The following FMN2 variants were observed in gnomAD, a reference collection of about 807,000 sequenced individuals.
FMN2 encodes the protein formin-2.
Under a neutral mutation model 142.3 loss-of-function variants are expected in FMN2, and 51 were observed. The ratio of observed to expected loss-of-function variants is 0.36; its 90% CI spans 0.29 to 0.45. The LOEUF (loss-of-function observed/expected upper bound fraction) is 0.45. Among genes scored for constraint, FMN2 ranks in the 20% least tolerant of loss-of-function variants. FMN2 has a pLI of 1.00. For missense variants in FMN2, 1,936 were observed against 2,122.8 expected (o/e 0.91, Z 1.73); for synonymous variants, 882 against 869.8 (o/e 1.01, Z -0.25).
intron 14 of FMN2, among the ~76,000 whole-genome samples, chr1:240,384,034 G>A (rs1010264328): frequency 5.3e-5 from 8 of 152,122 alleles, no homozygotes; most frequent in Admixed American, 3.3e-4. Flanking sequence ...TATCCTAAGC[G>A]TATTAACACA....
At chr1:240,204,032 A>C (rs1004580032) in intron 4 of FMN2, among the ~76,000 whole-genome samples, 1 of 152,162 alleles carries the variant, frequency 6.6e-6, no homozygotes, top group African/African-American at 2.4e-5. Context: ...CCTGAATAAC[A>C]TATAAATTCT....
chr1:240,251,452 C>T (rs1042373975), intron 6 of FMN2, among the ~76,000 whole-genome samples: 8 of 152,002 alleles, frequency 5.3e-5, no homozygotes, highest in South Asian at 4.1e-4. Context: ...GATATGATTT[C>T]GATATTTAAA....
intron 3 of FMN2, among the ~76,000 whole-genome samples, chr1:240,188,002 T>C (rs1665551214): frequency 6.6e-6 from 1 of 152,192 alleles, no homozygotes; most frequent in African/African-American, 2.4e-5. Flanking sequence ...TTTTTAAAAA[T>C]GACATGAGCA....
At chr1:240,128,782 G>A (rs1212347813) in intron 2 of FMN2, among the ~76,000 whole-genome samples, 2 of 152,092 alleles carry the variant, frequency 1.3e-5, no homozygotes, top group Non-Finnish European at 2.9e-5. Flanking sequence ...AGCCAGTCCC[G>A]GAAAACTAAT....
In FMN2 at chr1:240,093,635, G is replaced by A; in HGVS notation, c.1526G>A (p.Ser509Asn). 1 of 1,422,874 alleles carries A rather than the reference G, an allele frequency of 7.0e-7. No homozygotes were observed. Among genetic ancestry groups the A allele is most frequent in the Non-Finnish European group, 9.1e-7 (1 of 1,100,354 alleles). 88.1% of individuals were successfully genotyped at this position (1,422,874 alleles called of 1,614,324 possible). The change falls in exon 1 of 18, where the codon AGT (serine) becomes AAT (asparagine). Residue 509 changes from serine to asparagine, a missense_variant. By Grantham distance (46) the Ser-to-Asn change is conservative. Around this residue, in one of 8 missense-constraint regions of FMN2, gnomAD observed 751 missense variants for 791.8 expected, o/e 0.95. Transcript: ENST00000319653. ...SAHLLERGVA[S>N]DSGGGVSPAL... ...CACCTGCTGGAGCGCGGGGTGGCGA[G>A]TGACAGCGGCGGTGGGGTGTCCCCA...
intron 8 of FMN2, among the ~76,000 whole-genome samples, chr1:240,315,162 T>G (rs1262314288): frequency 6.6e-6 from 1 of 152,216 alleles, no homozygotes; most frequent in African/African-American, 2.4e-5. Flanking sequence ...GACTTAAGAC[T>G]AAGCATATTG....
chr1:240,159,364 GACACTCTATT>G (rs1182082641), intron 2 of FMN2, among the ~76,000 whole-genome samples: 7 of 152,152 alleles, frequency 4.6e-5, no homozygotes, highest in Admixed American at 3.3e-4. Flanking sequence ...TTGTAGGCTT[GACACTCTATT>G]TTTTCCCTGC....
At chr1:240,453,612 A>G (rs1010948142) in intron 16 of FMN2, among the ~76,000 whole-genome samples, 8 of 152,166 alleles carry the variant, frequency 5.3e-5, no homozygotes, top group Non-Finnish European at 1.0e-4. Flanking sequence ...ACTGGACAGA[A>G]TGAGGAAGAG....
intron 4 of FMN2, among the ~76,000 whole-genome samples, chr1:240,193,458 TA>T (rs1275192658): frequency 6.6e-6 from 1 of 152,228 alleles, no homozygotes; most frequent in Non-Finnish European, 1.5e-5. Context: ...AGACTACAAT[TA>T]AGGGCAATTT....
At chr1:240,350,615 G>A (rs1672065445) in intron 13 of FMN2, among the ~76,000 whole-genome samples, 1 of 152,240 alleles carries the variant, frequency 6.6e-6, no homozygotes, top group African/African-American at 2.4e-5. Flanking sequence ...AGTTGAGGCT[G>A]AGATAATTTA....
At chr1:240,419,920 C>T (rs1674708848) in intron 15 of FMN2, among the ~76,000 whole-genome samples, 1 of 152,096 alleles carries the variant, frequency 6.6e-6, no homozygotes, top group Non-Finnish European at 1.5e-5. Flanking sequence ...GCACACTTGT[C>T]ATTTGCCCCT....
intron 16 of FMN2, among the ~76,000 whole-genome samples, chr1:240,452,023 C>G (rs1269507676): frequency 6.6e-6 from 1 of 151,918 alleles, no homozygotes; most frequent in Non-Finnish European, 1.5e-5. Context: ...AACCCCGTCT[C>G]TACTAAAAAT....
At chr1:240,228,303 C>CAAAAAAAAAAAAAAAAAAAAAAAAAA (rs577421634) in intron 6 of FMN2, among the ~76,000 whole-genome samples, 21 of 47,740 alleles carry the variant, frequency 4.4e-4, no homozygotes, top group Admixed American at 6.7e-4. Context: ...AACTCTGTCT[C>CAAAAAAAAAAAAAAAAAAAAAAAAAA]AAAAAAAAAA....
intron 2 of FMN2, among the ~76,000 whole-genome samples, chr1:240,126,351 A>C (rs1571955314): frequency 6.7e-6 from 1 of 149,854 alleles, no homozygotes; most frequent in African/African-American, 2.5e-5. Context: ...CATAACTGGT[A>C]CCCTTCCTAC....
At position 240,283,157 on chromosome 1, in the gene FMN2, C is replaced by T. The variant is rs190446425; in HGVS notation, c.4154-11665C>T. 2.5e-3 allele frequency among the ~76,000 whole-genome samples: 384 copies of T among 152,112 alleles called. 1 individual carries two copies. The highest frequency in any genetic ancestry group is 0.01 in the Middle Eastern group (3 of 294). On this transcript the variant is annotated intron_variant, in intron 7 of 17. Transcript: ENST00000319653. ...TGTGTTTTTCTTTTTTTTCTTCTTCCTTCTTACATCTTCTCAGCAGATTAA... is the reference window on the plus strand; with the variant it reads ...TGTGTTTTTCTTTTTTTTCTTCTTCTTTCTTACATCTTCTCAGCAGATTAA...
chr1:240,445,769 C>T (rs1324310084), intron 16 of FMN2, among the ~76,000 whole-genome samples: 1 of 149,190 alleles, frequency 6.7e-6, no homozygotes, highest in African/African-American at 2.5e-5. Context: ...TTATTGGCTG[C>T]CAAATGGGTA....
At chr1:240,335,686 C>T (rs2103021895) in intron 13 of FMN2, among the ~76,000 whole-genome samples, 1 of 152,270 alleles carries the variant, frequency 6.6e-6, no homozygotes, top group Non-Finnish European at 1.5e-5. Flanking sequence ...TGTTTGCTTT[C>T]TGGAGTTGCA....
At chr1:240,429,587 C>T (rs1158933060) in intron 15 of FMN2, among the ~76,000 whole-genome samples, 1 of 152,204 alleles carries the variant, frequency 6.6e-6, no homozygotes, top group Admixed American at 6.5e-5. Flanking sequence ...CTTCACACTT[C>T]TCTGAAGAGG....
chr1:240,459,717 T>TAAAAAAAAAAAAA lies in FMN2; in HGVS notation c.5061-12629_5061-12617dup, dbSNP rs57065226. ...GGGTGACAGAACAAGACTCTGTCTC[T>TAAAAAAAAAAAAA]AAAAAAAAAAAAAAAAAAAAAAAAA... On this transcript the variant is annotated intron_variant, in intron 16 of 17. Coordinates refer to ENST00000319653, the MANE Select transcript of FMN2 (RefSeq NM_020066.5). 2.5e-4 allele frequency among the ~76,000 whole-genome samples: 17 copies of TAAAAAAAAAAAAA among 67,128 alleles called. 2 individuals are homozygous for TAAAAAAAAAAAAA. Among genetic ancestry groups the TAAAAAAAAAAAAA allele is most frequent in the African/African-American group, 5.6e-4 (11 of 19,484 alleles). 44.0% of individuals were successfully genotyped at this position (67,128 alleles called of 152,430 possible). A position where few individuals can be genotyped will look rare whatever the true frequency, so the allele number is the denominator to read the frequency against.
Sources: allele counts gnomAD v4.1 joint callset (sites outside exome capture counted in the v4.1 genomes callset), GRCh38; gene constraint gnomAD v4.1.1; regional missense constraint gnomAD v4.1.1; transcripts MANE v1.5; gene names NCBI Gene and HGNC (gene_info 2026-07-23, HGNC 2026-07-21).